The following PLPPR1 variants were observed in gnomAD, a reference collection of about 807,000 sequenced individuals.
The protein encoded by PLPPR1 is phospholipid phosphatase related 1.
In PLPPR1, 10 loss-of-function variants were observed where a neutral mutation model predicts 33.1. The observed-to-expected ratio is 0.30, with a 90% CI of 0.19 to 0.51. PLPPR1 has a LOEUF of 0.51. Among genes scored for constraint, PLPPR1 ranks in the 20% least tolerant of loss-of-function variants. The probability of loss-of-function intolerance (pLI) is 0.97; values close to 1 mark genes in which losing one functional copy is unlikely to be tolerated. For missense variants in PLPPR1, 304 were observed against 408.1 expected, an observed-to-expected ratio of 0.74 and a Z score of 2.20; for synonymous variants, 151 against 151.0, an observed-to-expected ratio of 1.00 and a Z score of 0.00.
chr9:101,047,047 G>C (rs990943723), intron 1 of PLPPR1, among the ~76,000 whole-genome samples: 2 of 152,056 alleles, frequency 1.3e-5, no homozygotes, highest in Non-Finnish European at 2.9e-5. Flanking sequence ...TTCTCATAAT[G>C]AACACGCAGC....
chr9:101,095,432 G>C (rs1588025709), intron 1 of PLPPR1, among the ~76,000 whole-genome samples: 1 of 152,084 alleles, frequency 6.6e-6, no homozygotes, highest in South Asian at 2.1e-4. Flanking sequence ...GGGCTTGTTT[G>C]CCTGTATAAA....
intron 1 of PLPPR1, among the ~76,000 whole-genome samples, chr9:101,121,518 C>T (rs1405420106): frequency 6.6e-6 from 1 of 152,158 alleles, no homozygotes; most frequent in African/African-American, 2.4e-5. Context: ...CTGAGTATTA[C>T]CATGCATTTT....
At chr9:101,117,658 TAAA>T (rs534608741) in intron 1 of PLPPR1, among the ~76,000 whole-genome samples, 23 of 142,050 alleles carry the variant, frequency 1.6e-4, no homozygotes, top group African/African-American at 3.3e-4. Context: ...TGCTTTCACT[TAAA>T]AAAAAAAAAA....
intron 1 of PLPPR1, among the ~76,000 whole-genome samples, chr9:101,029,872 G>A (rs963824561): frequency 3.3e-5 from 5 of 152,248 alleles, no homozygotes; most frequent in Non-Finnish European, 7.3e-5. Flanking sequence ...TGCTGCTGCG[G>A]CGGCGGCAGT....
At chr9:101,212,729 T>C (rs1355862480) in intron 2 of PLPPR1, among the ~76,000 whole-genome samples, 1 of 152,200 alleles carries the variant, frequency 6.6e-6, no homozygotes, top group Non-Finnish European at 1.5e-5. Context: ...GGAAGTTGTC[T>C]TCTTTGAATA....
At chr9:101,029,408 C>T (rs903304198) in intron 1 of PLPPR1, among the ~76,000 whole-genome samples, 3 of 152,222 alleles carry the variant, frequency 2.0e-5, no homozygotes, top group African/African-American at 7.2e-5. Flanking sequence ...CCCTCCGTCC[C>T]GTTCCACCCT....
intron 1 of PLPPR1, among the ~76,000 whole-genome samples, chr9:101,158,069 TAC>T (rs1479744827): frequency 2.0e-5 from 3 of 152,096 alleles, no homozygotes; most frequent in Non-Finnish European, 1.5e-5. Flanking sequence ...AGATGGTTTC[TAC>T]AGTGTTACAA....
At chr9:101,247,636 A>G (rs1037803075) in intron 2 of PLPPR1, among the ~76,000 whole-genome samples, 3 of 151,804 alleles carry the variant, frequency 2.0e-5, no homozygotes, top group African/African-American at 7.3e-5. Flanking sequence ...CTTGCCTTTC[A>G]CCCATTTACT....
chr9:101,253,931 A>G (rs1588096719), intron 2 of PLPPR1, among the ~76,000 whole-genome samples: 1 of 152,108 alleles, frequency 6.6e-6, no homozygotes, highest in African/African-American at 2.4e-5. Context: ...AAATCATTGT[A>G]CTACGGGTCT....
intron 6 of PLPPR1, among the ~76,000 whole-genome samples, chr9:101,314,545 T>A (rs1018706150): frequency 2.6e-5 from 4 of 151,620 alleles, no homozygotes; most frequent in African/African-American, 9.7e-5. Context: ...CCAGTGCATA[T>A]AAAAAGTTAT....
At chr9:101,246,774 T>C (rs1018166062) in intron 2 of PLPPR1, among the ~76,000 whole-genome samples, 1 of 152,102 alleles carries the variant, frequency 6.6e-6, no homozygotes, top group African/African-American at 2.4e-5. Flanking sequence ...TAGACCATAC[T>C]GGGCCGTTTT....
intron 1 of PLPPR1, among the ~76,000 whole-genome samples, chr9:101,031,112 G>T (rs980827983): frequency 6.6e-6 from 1 of 152,084 alleles, no homozygotes; most frequent in Non-Finnish European, 1.5e-5. Flanking sequence ...AGTGAAATTG[G>T]CATAGAGGGG....
intron 1 of PLPPR1, among the ~76,000 whole-genome samples, chr9:101,153,687 G>A (rs567859236): frequency 2.7e-4 from 41 of 152,088 alleles, no homozygotes; most frequent in Admixed American, 1.6e-3. Context: ...CCATTCTTCT[G>A]CCTCAGCCTC....
chr9:101,263,985 A>G (rs1326870553), intron 2 of PLPPR1, among the ~76,000 whole-genome samples: 1 of 151,682 alleles, frequency 6.6e-6, no homozygotes, highest in Non-Finnish European at 1.5e-5. Context: ...ATCCCCTCTC[A>G]GGGGGTCAAA....
intron 1 of PLPPR1, among the ~76,000 whole-genome samples, chr9:101,109,144 T>A (rs1378465870): frequency 6.8e-6 from 1 of 147,572 alleles, no homozygotes; most frequent in Non-Finnish European, 1.5e-5. Flanking sequence ...ATTTTTTTTT[T>A]TTTTTTTTTT....
chr9:101,236,611 T>C (rs953125064), intron 2 of PLPPR1, among the ~76,000 whole-genome samples: 2 of 151,630 alleles, frequency 1.3e-5, no homozygotes, highest in East Asian at 1.9e-4. Flanking sequence ...ATCTTTTTTT[T>C]CCTTTTTTAG....
At chr9:101,164,088 G>A (rs953295105) in intron 1 of PLPPR1, among the ~76,000 whole-genome samples, 1 of 152,110 alleles carries the variant, frequency 6.6e-6, no homozygotes, top group Non-Finnish European at 1.5e-5. Flanking sequence ...CTAATGACCA[G>A]GTATGTGGGT....
intron 2 of PLPPR1, among the ~76,000 whole-genome samples, chr9:101,212,128 G>A (rs1382060538): frequency 6.6e-6 from 1 of 152,086 alleles, no homozygotes; most frequent in South Asian, 2.1e-4. Flanking sequence ...TGTCACCCAG[G>A]CTGGAGTACA....
intron 2 of PLPPR1, among the ~76,000 whole-genome samples, chr9:101,238,215 T>C (rs1349446394): frequency 7.3e-6 from 1 of 137,014 alleles, no homozygotes; most frequent in Non-Finnish European, 1.6e-5. Flanking sequence ...TATATACCTA[T>C]ATATATACAC....
Sources: allele counts gnomAD v4.1 joint callset (sites outside exome capture counted in the v4.1 genomes callset), GRCh38; gene constraint gnomAD v4.1.1; transcripts MANE v1.5; gene names NCBI Gene and HGNC (gene_info 2026-07-23, HGNC 2026-07-21).